ZNF385D: variants seen among roughly 807,000 people sequenced by gnomAD.
ZNF385D encodes zinc finger protein 659.
ZNF385D carries 15 observed loss-of-function variants against 35.8 expected under a neutral mutation model. The observed-to-expected ratio is 0.42, with a 90% CI of 0.28 to 0.64. The LOEUF (loss-of-function observed/expected upper bound fraction) is 0.64, where lower values mean the gene tolerates loss of function less well. Among genes scored for constraint, ZNF385D ranks in the 30% least tolerant of loss-of-function variants. The pLI is 0.23. For missense variants in ZNF385D, 474 were observed against 494.6 expected (o/e 0.96, Z 0.39); for synonymous variants, 212 against 186.8 (o/e 1.13, Z -1.10).
chr3:22,212,033 C>T (rs1052083992), intron 2 of ZNF385D, among the ~76,000 whole-genome samples: 1 of 152,008 alleles, frequency 6.6e-6, no homozygotes, highest in Non-Finnish European at 1.5e-5. Context: ...TGGTAATCCT[C>T]TAAGATGTAC....
chr3:21,575,135 CCAAT>C (rs1207862435), intron 2 of ZNF385D, among the ~76,000 whole-genome samples: 1 of 152,004 alleles, frequency 6.6e-6, no homozygotes, highest in Non-Finnish European at 1.5e-5. Flanking sequence ...CGTAAAAATG[CCAAT>C]CATTCAGTGT....
At chr3:21,532,048 G>A (rs1228771166) in intron 3 of ZNF385D, among the ~76,000 whole-genome samples, 2 of 151,030 alleles carry the variant, frequency 1.3e-5, no homozygotes, top group Non-Finnish European at 2.9e-5. Flanking sequence ...GCTTCAAACT[G>A]CTCTAAAAAT....
At chr3:22,173,911 T>A (rs932821041) in intron 2 of ZNF385D, among the ~76,000 whole-genome samples, 2 of 152,048 alleles carry the variant, frequency 1.3e-5, no homozygotes, top group Non-Finnish European at 2.9e-5. Flanking sequence ...CTAATTCAAA[T>A]TTTCCTTCTG....
Position 21,611,752 on chromosome 3 carries a change from A to G in ZNF385D, c.166-47068T>C, listed in dbSNP as rs549014833. On this transcript the variant is annotated intron_variant, in intron 2 of 7. Coordinates refer to ENST00000281523, the MANE Select transcript of ZNF385D (RefSeq NM_024697.3). ...TCATTCATTGCTTTCTGCAACAAGG[A>G]TACCACATTGAGTCTTGTTAGAGAG... Among the ~76,000 whole-genome samples the G allele has an allele frequency of 3.9e-5, 6 of 152,232 alleles. No homozygotes were observed. In the South Asian group the frequency reaches 1.2e-3, roughly 32 times the overall value.
intron 2 of ZNF385D, among the ~76,000 whole-genome samples, chr3:21,633,679 A>G (rs2065345665): frequency 6.6e-6 from 1 of 152,112 alleles, no homozygotes; most frequent in South Asian, 2.1e-4. Context: ...TAAATTCATT[A>G]TGATTCTCAA....
At chr3:21,669,689 G>A (rs1188906157) in intron 1 of ZNF385D, among the ~76,000 whole-genome samples, 1 of 152,186 alleles carries the variant, frequency 6.6e-6, no homozygotes, top group Non-Finnish European at 1.5e-5. Context: ...CCCTAACACA[G>A]TGCCTGGCCA....
intron 3 of ZNF385D, among the ~76,000 whole-genome samples, chr3:22,005,694 C>T (rs1050962950): frequency 6.6e-6 from 1 of 152,014 alleles, no homozygotes; most frequent in Non-Finnish European, 1.5e-5. Context: ...ACTTGAGGAA[C>T]TGTCCTCTTT....
intron 3 of ZNF385D, among the ~76,000 whole-genome samples, chr3:22,068,729 C>A (rs558987223): frequency 1.6e-4 from 24 of 152,134 alleles, no homozygotes; most frequent in Non-Finnish European, 3.2e-4. Context: ...CCTAGTTAAA[C>A]CCTGATTGAA....
At chr3:22,346,937 T>C (rs777351381) in intron 2 of ZNF385D, among the ~76,000 whole-genome samples, 12 of 152,208 alleles carry the variant, frequency 7.9e-5, no homozygotes, top group Admixed American at 2.6e-4. Context: ...CAGATGTTGT[T>C]AATATGCTAG....
At chr3:22,171,718 A>C (rs1337834302) in intron 2 of ZNF385D, among the ~76,000 whole-genome samples, 1 of 151,938 alleles carries the variant, frequency 6.6e-6, no homozygotes, top group African/African-American at 2.4e-5. Flanking sequence ...CTACTAAAAA[A>C]TACAAGAAAT....
At chr3:22,349,873 A>T (rs1023859590) in intron 2 of ZNF385D, among the ~76,000 whole-genome samples, 8 of 152,164 alleles carry the variant, frequency 5.3e-5, no homozygotes, top group African/African-American at 1.9e-4. Context: ...CTTGTGTAGG[A>T]CAATAACCAA....
At chr3:22,018,701 T>C (rs1287706716) in intron 3 of ZNF385D, among the ~76,000 whole-genome samples, 1 of 152,032 alleles carries the variant, frequency 6.6e-6, no homozygotes, top group Non-Finnish European at 1.5e-5. Context: ...TTTCTCATAA[T>C]GGCCTATTTA....
intron 4 of ZNF385D, among the ~76,000 whole-genome samples, chr3:21,469,923 G>C (rs560537184): frequency 7.5e-6 from 1 of 133,686 alleles, no homozygotes; most frequent in Non-Finnish European, 1.6e-5. Context: ...CACAAAGCAG[G>C]TGCTTTAAGA....
chr3:21,899,067 G>A (rs1699276623), intron 3 of ZNF385D, among the ~76,000 whole-genome samples: 1 of 152,076 alleles, frequency 6.6e-6, no homozygotes, highest in African/African-American at 2.4e-5. Context: ...AGAACGGGAT[G>A]TTTATTATTC....
At chr3:21,907,756 GAAGA>G (rs1002620601) in intron 3 of ZNF385D, among the ~76,000 whole-genome samples, 29 of 152,162 alleles carry the variant, frequency 1.9e-4, no homozygotes, top group Admixed American at 3.9e-4. Context: ...CACTAAAATA[GAAGA>G]AAGGACAATT....
chr3:22,284,763 A>G (rs997571830), intron 2 of ZNF385D, among the ~76,000 whole-genome samples: 3 of 152,116 alleles, frequency 2.0e-5, no homozygotes, highest in Non-Finnish European at 2.9e-5. Context: ...AAAATAAATA[A>G]GATAAAATTT....
intron 3 of ZNF385D, among the ~76,000 whole-genome samples, chr3:21,937,857 G>T (rs1018618292): frequency 6.6e-6 from 1 of 152,140 alleles, no homozygotes; most frequent in Non-Finnish European, 1.5e-5. Flanking sequence ...GTAGCTTTAA[G>T]TAGCCTCTAT....
intron 3 of ZNF385D, among the ~76,000 whole-genome samples, chr3:21,551,813 G>A (rs2062576683): frequency 6.6e-6 from 1 of 152,074 alleles, no homozygotes; most frequent in Non-Finnish European, 1.5e-5. Context: ...ATTAATTTAT[G>A]ACATTTTAAA....
intron 3 of ZNF385D, among the ~76,000 whole-genome samples, chr3:22,139,743 T>C (rs1704380460): frequency 6.6e-6 from 1 of 152,002 alleles, no homozygotes; most frequent in African/African-American, 2.4e-5. Flanking sequence ...TATGCACATG[T>C]ACCCTAAAAC....
Sources: allele counts gnomAD v4.1 joint callset (sites outside exome capture counted in the v4.1 genomes callset), GRCh38; gene constraint gnomAD v4.1.1; transcripts MANE v1.5; gene names NCBI Gene and HGNC (gene_info 2026-07-23, HGNC 2026-07-21).